Variants in TMEM51 observed in about 807,000 individuals in gnomAD.
TMEM51 encodes chromosome 1 open reading frame 72.
In TMEM51, 8 loss-of-function variants were observed where a neutral mutation model predicts 13.6. That is an observed-to-expected ratio of 0.59 (90% CI 0.35 to 1.07). The LOEUF is 1.07. TMEM51 is among the 50% of genes least tolerant of loss of function. TMEM51 has a pLI of 0.02. For missense variants in TMEM51, 279 were observed against 330.7 expected (o/e 0.84, Z 1.21); for synonymous variants, 147 against 144.4 (o/e 1.02, Z -0.13).
chr1:15,166,775 T>C (rs1421916048), intron 1 of TMEM51, among the ~76,000 whole-genome samples: 2 of 152,146 alleles, frequency 1.3e-5, no homozygotes, highest in South Asian at 4.1e-4. Flanking sequence ...TATATGTATG[T>C]AATTTTCCAT....
intron 1 of TMEM51, among the ~76,000 whole-genome samples, chr1:15,187,975 G>A (rs868466940): frequency 5.3e-5 from 8 of 152,220 alleles, no homozygotes; most frequent in East Asian, 1.9e-4. Flanking sequence ...TTAGCTGCTC[G>A]CGCTGTTGGC....
At chr1:15,159,424 T>G (rs1045271824) in intron 1 of TMEM51, among the ~76,000 whole-genome samples, 1 of 152,236 alleles carries the variant, frequency 6.6e-6, no homozygotes, top group Non-Finnish European at 1.5e-5. Context: ...TAGGAATTCA[T>G]GTTTATCCTA....
chr1:15,184,336 A>C (rs1350388206), intron 1 of TMEM51, among the ~76,000 whole-genome samples: 1 of 152,172 alleles, frequency 6.6e-6, no homozygotes, highest in Non-Finnish European at 1.5e-5. Context: ...TGCCTTTCTC[A>C]CCAGCTCTCA....
chr1:15,217,406 C>G (rs1442785293), intron 3 of TMEM51, among the ~76,000 whole-genome samples: 2 of 152,134 alleles, frequency 1.3e-5, no homozygotes, highest in African/African-American at 4.8e-5. Flanking sequence ...AAATTAAACT[C>G]ATTTTCTGAT....
At chr1:15,194,105 C>T (rs1643996535) in intron 1 of TMEM51, among the ~76,000 whole-genome samples, 1 of 152,202 alleles carries the variant, frequency 6.6e-6, no homozygotes, top group South Asian at 2.1e-4. Flanking sequence ...ACAAAAATGA[C>T]AAAAATTCAC....
chr1:15,218,382 T>C (rs571972094), intron 3 of TMEM51, among the ~76,000 whole-genome samples: 1 of 152,210 alleles, frequency 6.6e-6, no homozygotes, highest in South Asian at 2.1e-4. Context: ...TCACGCAGCA[T>C]GTCGCTAAGT....
chr1:15,172,124 C>G, intron 1 of TMEM51, among the ~76,000 whole-genome samples: 1 of 152,162 alleles, frequency 6.6e-6, no homozygotes. Flanking sequence ...CACCTGTAAT[C>G]CCAGCACTTT....
At position 15,161,948 on chromosome 1, in the gene TMEM51, T is replaced by C. The variant is rs1642795637; in HGVS notation, c.-267+7994T>C. Reference sequence around the variant, plus strand: ...ATCTCAAAAAAAGAGAGAAAGAGGTTTATTTAGCCCATGGCATCTCAGATG... The same window carrying C: ...ATCTCAAAAAAAGAGAGAAAGAGGTCTATTTAGCCCATGGCATCTCAGATG... On this transcript the variant is annotated intron_variant, in intron 1 of 3. Transcript: ENST00000376008. The surrounding 1 kb of genome is among the most constrained non-coding windows in gnomAD (Gnocchi z 4.0). Among the ~76,000 whole-genome samples, 1 of 151,802 alleles carries C rather than the reference T, an allele frequency of 6.6e-6. No homozygotes were observed. Among genetic ancestry groups the C allele is most frequent in the South Asian group, 2.1e-4 (1 of 4,804 alleles).
At chr1:15,157,023 A>G (rs995607464) in intron 1 of TMEM51, among the ~76,000 whole-genome samples, 1 of 152,166 alleles carries the variant, frequency 6.6e-6, no homozygotes, top group Non-Finnish European at 1.5e-5. Context: ...CCTCGCTGCC[A>G]TGGCCACCCC....
At chr1:15,209,123 G>A (rs1431482146) in intron 1 of TMEM51, among the ~76,000 whole-genome samples, 1 of 151,958 alleles carries the variant, frequency 6.6e-6, no homozygotes, top group Non-Finnish European at 1.5e-5. Context: ...AGGCTATAGT[G>A]CAGTGGCGTG....
chr1:15,180,811 G>A (rs1354085029), intron 1 of TMEM51, among the ~76,000 whole-genome samples: 2 of 152,170 alleles, frequency 1.3e-5, no homozygotes, highest in Non-Finnish European at 2.9e-5. Context: ...CTATAGGCAA[G>A]GTGCTATTCT....
chr1:15,164,480 C>T (rs1642914548), intron 1 of TMEM51: 1 of 455,956 alleles, frequency 2.2e-6, no homozygotes, highest in African/African-American at 2.0e-5. Flanking sequence ...GTGAAGTGTG[C>T]TTCTCACTGA....
intron 1 of TMEM51, among the ~76,000 whole-genome samples, chr1:15,188,527 A>G (rs1302281135): frequency 6.6e-6 from 1 of 152,222 alleles, no homozygotes; most frequent in Non-Finnish European, 1.5e-5. Flanking sequence ...GCCATACCCC[A>G]GGGCCCCCAA....
chr1:15,197,367 A>C (rs1403341426), intron 1 of TMEM51, among the ~76,000 whole-genome samples: 1 of 152,056 alleles, frequency 6.6e-6, no homozygotes, highest in African/African-American at 2.4e-5. Context: ...GGGCAGGTAA[A>C]ACAACAGCAT....
chr1:15,179,449 A>T (rs1643545893), intron 1 of TMEM51, among the ~76,000 whole-genome samples: 8 of 152,192 alleles, frequency 5.3e-5, no homozygotes, highest in Admixed American at 5.2e-4. Context: ...GGGTGAGCAA[A>T]GGAAGGCAAA....
intron 1 of TMEM51, among the ~76,000 whole-genome samples, chr1:15,194,113 C>T (rs1044100999): frequency 6.6e-6 from 1 of 152,332 alleles, no homozygotes; most frequent in Admixed American, 6.5e-5. Context: ...GACAAAAATT[C>T]ACACCCTTGA....
chr1:15,171,117 A>AAC, intron 1 of TMEM51: 1 of 650,062 alleles, frequency 1.5e-6, no homozygotes, highest in Non-Finnish European at 2.3e-6. Flanking sequence ...CCCCCGCCAC[A>AAC]TCCCCCACCC....
intron 1 of TMEM51, among the ~76,000 whole-genome samples, chr1:15,172,843 G>C (rs1266466085): frequency 6.6e-6 from 1 of 152,196 alleles, no homozygotes; most frequent in East Asian, 1.9e-4. Context: ...TCGTCTCTTT[G>C]TCCAGCAGAT....
In TMEM51 at chr1:15,207,112, C is replaced by T. The variant is rs1439575190; in HGVS notation, c.-266-3378C>T. Among the ~76,000 whole-genome samples, 2 of 152,242 alleles carry T rather than the reference C, an allele frequency of 1.3e-5. No homozygotes were observed. The highest frequency in any genetic ancestry group is 4.8e-5 in the African/African-American group (2 of 41,468). On this transcript the variant is annotated intron_variant, in intron 1 of 3. Coordinates refer to ENST00000376008, the MANE Select transcript of TMEM51 (RefSeq NM_001136218.2). This position sits in a 1 kb window ranked among gnomAD's most constrained non-coding sequence, Gnocchi z 4.6. ...TTTGTGATGTGAATGTGGCACAGCC[C>T]GGTGGAACCGGGGATCCCTTTCCCA...
Sources: gnomAD v4.1 joint callset for allele counts (sites outside exome capture counted in the v4.1 genomes callset) on GRCh38, gnomAD v4.1.1 for gene constraint, Gnocchi (gnomAD v3.1) non-coding constraint, MANE v1.5 for transcripts, NCBI Gene and HGNC (gene_info 2026-07-23, HGNC 2026-07-21) for gene names.